Variants in VAPB observed in about 807,000 individuals in gnomAD.
VAPB encodes vesicle-associated membrane protein-associated protein B/C.
A neutral mutation model predicts 25.6 loss-of-function variants in VAPB; 7 were observed. That is an observed-to-expected ratio of 0.27 (90% CI 0.16 to 0.51). The LOEUF (loss-of-function observed/expected upper bound fraction) is 0.51, where lower values mean the gene tolerates loss of function less well. VAPB is among the 20% of genes least tolerant of loss of function. The pLI, the probability that VAPB is intolerant of heterozygous loss-of-function variation, is 0.97. For synonymous variants in VAPB, 112 were observed against 109.2 expected (o/e 1.03, Z -0.16); for missense variants, 266 against 301.3 (o/e 0.88, Z 0.87).
chr20:58,437,160 C>T (rs1478937076), intron 3 of VAPB, among the ~76,000 whole-genome samples: 2 of 151,566 alleles, frequency 1.3e-5, no homozygotes, highest in Non-Finnish European at 2.9e-5. Context: ...GAGTTGGGGT[C>T]TCACTATGTT....
At chr20:58,425,918 A>G (rs1988773718) in intron 2 of VAPB, among the ~76,000 whole-genome samples, 9 of 152,036 alleles carry the variant, frequency 5.9e-5, no homozygotes. Flanking sequence ...TTTTTGACAA[A>G]GTCTCTCTCT....
intron 1 of VAPB, among the ~76,000 whole-genome samples, chr20:58,413,562 G>A (rs1364151009): frequency 1.3e-5 from 2 of 152,148 alleles, no homozygotes; most frequent in South Asian, 2.1e-4. Context: ...CACAGACATG[G>A]CAACCATCCG....
rs1239501989 is a variant in VAPB, at chr20:58,448,058, T to A, written c.*3823T>A. On this transcript the variant is annotated 3_prime_UTR_variant, in exon 6 of 6. Transcript: ENST00000475243. ...AGAAGGAGAAAGAACCAAACTGAAC[T>A]ATGAAAAGTTACCACTCTGAGGAGA... The A allele has an allele frequency of 2.2e-6, 1 of 454,002 alleles. No individual in the cohort carries two copies. Among genetic ancestry groups the A allele is most frequent in the South Asian group, 1.6e-5 (1 of 64,454 alleles). The allele number at this position is 454,002 out of a possible 1,614,324, so 28.1% of individuals were successfully genotyped here.
intron 2 of VAPB, among the ~76,000 whole-genome samples, chr20:58,422,950 G>T (rs1347474473): frequency 6.6e-6 from 1 of 152,108 alleles, no homozygotes; most frequent in Non-Finnish European, 1.5e-5. Flanking sequence ...TTTACTAAGT[G>T]TACCTTGGGA....
intron 2 of VAPB, 116 bp from the exon 3 acceptor site, chr20:58,434,486 C>G (rs1278934400): frequency 1.4e-6 from 1 of 703,722 alleles, no homozygotes; most frequent in Non-Finnish European, 2.6e-6. Context: ...GGCGTCCATC[C>G]TAAGACATAA....
At chr20:58,418,027 A>G (rs1413110432) in intron 1 of VAPB, among the ~76,000 whole-genome samples, 184 bp from the exon 2 acceptor site, 1 of 152,232 alleles carries the variant, frequency 6.6e-6, no homozygotes, top group Non-Finnish European at 1.5e-5. Context: ...TAGTGGGAAC[A>G]TGGTAAATAT....
chr20:58,417,331 T>C (rs1254534141), intron 1 of VAPB, among the ~76,000 whole-genome samples: 1 of 152,250 alleles, frequency 6.6e-6, no homozygotes, highest in Non-Finnish European at 1.5e-5. Context: ...ATGTATTGTT[T>C]GTGTAAACAT....
At position 58,411,855 on chromosome 20, in the gene VAPB, A is replaced by C. The variant is rs6026248; in HGVS notation, c.59-6356A>C. Among the ~76,000 whole-genome samples, 45 of 151,624 alleles carry C rather than the reference A, an allele frequency of 3.0e-4. 1 individual carries two copies. Among genetic ancestry groups the C allele is most frequent in the African/African-American group, 9.9e-4 (41 of 41,294 alleles). On this transcript the variant is annotated intron_variant, in intron 1 of 5. Transcript: ENST00000475243. The stretch of plus-strand genomic sequence containing the variant: ...CACCACGCCCGGCTAATTTTTTTGT[A>C]TTTTTAGTAGAGACGGGGTTTCACC...
At chr20:58,425,019 G>A (rs1300561322) in intron 2 of VAPB, among the ~76,000 whole-genome samples, 2 of 152,238 alleles carry the variant, frequency 1.3e-5, no homozygotes, top group Non-Finnish European at 2.9e-5. Context: ...TTTGCTCACA[G>A]TCTAACTAAA....
intron 2 of VAPB, among the ~76,000 whole-genome samples, chr20:58,420,133 G>A (rs1456229752): frequency 2.0e-5 from 3 of 151,958 alleles, no homozygotes; most frequent in East Asian, 1.9e-4. Context: ...TTACAGGTGC[G>A]TGCCACCACA....
At chr20:58,414,396 CCG>C (rs1412555082) in intron 1 of VAPB, among the ~76,000 whole-genome samples, 1 of 149,466 alleles carries the variant, frequency 6.7e-6, no homozygotes, top group Non-Finnish European at 1.5e-5. Context: ...GACGGGGTGG[CCG>C]CCGGGCGGAG....
rs1989246623 is a variant in VAPB, at chr20:58,444,875, G to A, written c.*640G>A. 2.2e-6 allele frequency: 1 copy of A among 454,542 alleles called. No individual in the cohort carries two copies. The highest frequency in any genetic ancestry group is 2.0e-5 in the African/African-American group (1 of 50,114). 28.2% of individuals were successfully genotyped at this position (454,542 alleles called of 1,614,324 possible). ...ATGGCAGTGCTTTGTTCACTTAAAGGGACCAAGCTAAATTTGTATTGGTTC... is the reference window on the plus strand; with the variant it reads ...ATGGCAGTGCTTTGTTCACTTAAAGAGACCAAGCTAAATTTGTATTGGTTC... On this transcript the variant is annotated 3_prime_UTR_variant, in exon 6 of 6. Coordinates refer to ENST00000475243, the MANE Select transcript of VAPB (RefSeq NM_004738.5).
chr20:58,421,831 T>A (rs1199145865), intron 2 of VAPB, among the ~76,000 whole-genome samples: 1 of 152,148 alleles, frequency 6.6e-6, no homozygotes. Flanking sequence ...AGGTTCAGAT[T>A]GTGACATGGA....
rs34944837 is a variant in VAPB at position 58,436,992 on chromosome 20, CTTTTTTTTT to C, written c.316-1936_316-1928del. On this transcript the variant is annotated intron_variant, in intron 3 of 5. Coordinates refer to ENST00000475243, the MANE Select transcript of VAPB (RefSeq NM_004738.5). ...ACCTTTTTGTTTTTCAAACTTTGAA[CTTTTTTTTT>C]TTTTTTTTTTTTTTTTGAGACAAAG... Among the ~76,000 whole-genome samples the C allele has an allele frequency of 1.4e-4, 11 of 77,434 alleles. 1 individual carries two copies. Among genetic ancestry groups the C allele is most frequent in the African/African-American group, 1.6e-4 (3 of 18,508 alleles). 50.8% of individuals were successfully genotyped at this position (77,434 alleles called of 152,430 possible). A position where few individuals can be genotyped will look rare whatever the true frequency, so the allele number is the denominator to read the frequency against.
At chr20:58,389,631 C>G in intron 1 of VAPB, 114 bp downstream of exon 1, 2 of 1,164,556 alleles carry the variant, frequency 1.7e-6, no homozygotes, top group Non-Finnish European at 2.3e-6. Context: ...ACGGCGCTGT[C>G]GCGGGGGGCG....
rs754172997 is a variant in VAPB at position 58,445,044 on chromosome 20, T to C, written c.*809T>C. 2.2e-6 allele frequency: 1 copy of C among 454,854 alleles called. No homozygotes were observed. Among genetic ancestry groups the C allele is most frequent in the South Asian group, 1.6e-5 (1 of 64,478 alleles). The allele number at this position is 454,854 out of a possible 1,614,324, so 28.2% of individuals were successfully genotyped here. ...ACTCTGTTGGGTGAACTGGTATTGCTGCTGGAGGGCTGTGGGCTCCTCTGT... is the reference window on the plus strand; with the variant it reads ...ACTCTGTTGGGTGAACTGGTATTGCCGCTGGAGGGCTGTGGGCTCCTCTGT... On this transcript the variant is annotated 3_prime_UTR_variant, in exon 6 of 6. Coordinates refer to ENST00000475243, the MANE Select transcript of VAPB (RefSeq NM_004738.5).
chr20:58,394,735 C>T (rs1192426390), intron 1 of VAPB, among the ~76,000 whole-genome samples: 1 of 152,148 alleles, frequency 6.6e-6, no homozygotes, highest in Admixed American at 6.5e-5. Flanking sequence ...ACAGTTAACT[C>T]CTTAGGGGAA....
At chr20:58,401,345 T>A (rs1775171131) in intron 1 of VAPB, among the ~76,000 whole-genome samples, 1 of 152,170 alleles carries the variant, frequency 6.6e-6, no homozygotes, top group South Asian at 2.1e-4. Flanking sequence ...GTCTAGCTAC[T>A]CCTTTCACTT....
chr20:58,427,235 AT>A (rs1813042795), intron 2 of VAPB, among the ~76,000 whole-genome samples: 1 of 151,030 alleles, frequency 6.6e-6, no homozygotes, highest in African/African-American at 2.4e-5. Context: ...TGTTACAATT[AT>A]GATGCAGGCG....
Sources: gnomAD v4.1 joint callset for allele counts (sites outside exome capture counted in the v4.1 genomes callset) on GRCh38, gnomAD v4.1.1 for gene constraint, MANE v1.5 for transcripts, NCBI Gene and HGNC (gene_info 2026-07-23, HGNC 2026-07-21) for gene names.